Variants in CCDC14 observed in about 807,000 individuals in gnomAD.
CCDC14 encodes the protein coiled-coil domain containing 14.
A neutral mutation model predicts 81.4 loss-of-function variants in CCDC14; 71 were observed. The observed-to-expected ratio is 0.87, with a 90% CI of 0.72 to 1.06. The LOEUF (loss-of-function observed/expected upper bound fraction) is 1.06, where lower values mean the gene tolerates loss of function less well. Among genes scored for constraint, CCDC14 ranks in the 50% least tolerant of loss-of-function variants. CCDC14 has a pLI of 0.00. For synonymous variants in CCDC14, 332 were observed against 364.8 expected (o/e 0.91, Z 1.03); for missense variants, 1,046 against 1,047.3 (o/e 1.00, Z 0.02).
chr3:123,945,394 T>C (rs2036572938), intron 8 of CCDC14, among the ~76,000 whole-genome samples: 1 of 152,128 alleles, frequency 6.6e-6, no homozygotes, highest in African/African-American at 2.4e-5. Flanking sequence ...AATACAACCT[T>C]TGATCCTGGC....
chr3:123,904,380 C>T lies in CCDC14; in HGVS notation c.668-6767G>A, dbSNP rs192386460. On this transcript the variant is annotated intron_variant, in intron 5 of 5. Coordinates refer to the CCDC14 transcript ENST00000479903. Reference sequence around the variant, plus strand: ...ATGAAGATAGGTTACAGGTGTGTGGCTAGGGTGTGGGAAAGGGACTAGTAT... The same window carrying T: ...ATGAAGATAGGTTACAGGTGTGTGGTTAGGGTGTGGGAAAGGGACTAGTAT... 1.0e-3 allele frequency among the ~76,000 whole-genome samples: 154 copies of T among 151,824 alleles called. 3 individuals carry two copies. The highest frequency in any genetic ancestry group is 2.7e-3 in the East Asian group (14 of 5,160).
chr3:123,938,333 C>A (rs140630213), intron 9 of CCDC14, among the ~76,000 whole-genome samples: 1 of 151,844 alleles, frequency 6.6e-6, no homozygotes, highest in Non-Finnish European at 1.5e-5. Flanking sequence ...ATGGGTCTTA[C>A]ATATTTTTCA....
At chr3:123,911,901 G>A (rs879597135), downstream of CCDC14, among the ~76,000 whole-genome samples, 2 of 152,100 alleles carry the variant, frequency 1.3e-5, no homozygotes, top group Admixed American at 1.3e-4. Context: ...CAAGTAAAAT[G>A]CCACCATCAG....
chr3:123,933,077 C>T (rs2035836077), intron 10 of CCDC14, among the ~76,000 whole-genome samples: 1 of 150,724 alleles, frequency 6.6e-6, no homozygotes. Flanking sequence ...CCAGCCTGGG[C>T]CACAGAGTGA....
chr3:123,950,508 G>A (rs1241641685), intron 5 of CCDC14, among the ~76,000 whole-genome samples: 1 of 152,172 alleles, frequency 6.6e-6, no homozygotes, highest in East Asian at 1.9e-4. Flanking sequence ...TACACTTAAG[G>A]CTGACTGAAA....
intron 12 of CCDC14, among the ~76,000 whole-genome samples, chr3:123,928,445 G>A (rs570322490): frequency 4.4e-4 from 67 of 151,812 alleles, no homozygotes; most frequent in African/African-American, 1.5e-3. Flanking sequence ...GGCGGAGCTT[G>A]CAGTGAGCCA....
chr3:123,926,234 T>C (rs1333040748), intron 12 of CCDC14, among the ~76,000 whole-genome samples: 2 of 152,084 alleles, frequency 1.3e-5, no homozygotes, highest in Middle Eastern at 3.2e-3. Flanking sequence ...ATAAACAGAA[T>C]ATGACTCACC....
At chr3:123,902,212 T>C (rs1432941310) in intron 5 of CCDC14, among the ~76,000 whole-genome samples, 1 of 152,222 alleles carries the variant, frequency 6.6e-6, no homozygotes, top group Non-Finnish European at 1.5e-5. Flanking sequence ...TTATGTTGCC[T>C]TATTTATATG....
At chr3:123,893,844 T>C (rs967892584), downstream of CCDC14, among the ~76,000 whole-genome samples, 1 of 152,174 alleles carries the variant, frequency 6.6e-6, no homozygotes, top group Non-Finnish European at 1.5e-5. Context: ...TGTTTTTGAG[T>C]ATCTTCTTTG....
intron 5 of CCDC14, among the ~76,000 whole-genome samples, chr3:123,904,635 A>AAC (rs55713141): frequency 1.3e-5 from 2 of 148,594 alleles, no homozygotes; most frequent in Non-Finnish European, 3.0e-5. Flanking sequence ...AAAAAAAAAA[A>AAC]CCCTGGGATG....
chr3:123,916,025 G>C (rs753698618), intron 12 of CCDC14, among the ~76,000 whole-genome samples: 1 of 142,940 alleles, frequency 7.0e-6, no homozygotes, highest in African/African-American at 2.6e-5. Context: ...TTGAGATAGA[G>C]TCTCATTCTG....
In CCDC14 at chr3:123,931,332, TATC is replaced by T; in HGVS notation, c.1618_1620del (p.Asp540del). ...CCAATTTTTATTCTTGTTATCTCAA[TATC>T]ATATTGCTGTTTATTTTCAAGTATA... On this transcript the variant is annotated inframe_deletion, in exon 11 of 13. Coordinates refer to ENST00000409697, the MANE Select transcript of CCDC14 (RefSeq NM_001366335.1). 6.6e-7 allele frequency: 1 copy of T among 1,521,896 alleles called. No individual in the cohort carries two copies. Among genetic ancestry groups the T allele is most frequent in the Non-Finnish European group, 8.9e-7 (1 of 1,119,518 alleles). 94.3% of individuals were successfully genotyped at this position (1,521,896 alleles called of 1,614,324 possible).
intron 12 of CCDC14, among the ~76,000 whole-genome samples, chr3:123,926,041 C>A (rs2035342397): frequency 1.3e-5 from 2 of 152,068 alleles, no homozygotes; most frequent in South Asian, 4.1e-4. Flanking sequence ...GATCAGACTG[C>A]ATACCGAAAT....
In CCDC14 at chr3:123,914,697, C is replaced by G. The variant is rs2034555989; in HGVS notation, c.*82G>C. On this transcript the variant is annotated 3_prime_UTR_variant, in exon 13 of 13. Coordinates refer to ENST00000409697, the MANE Select transcript of CCDC14 (RefSeq NM_001366335.1). ...CTTCACACATAATAACATAAAACAT[C>G]ATTTCACTAAAGAAAAATACACATT... 1 of 1,445,144 alleles carries G rather than the reference C, an allele frequency of 6.9e-7. No individual in the cohort carries two copies. Among genetic ancestry groups the G allele is most frequent in the South Asian group, 1.5e-5 (1 of 64,930 alleles). The allele number at this position is 1,445,144 out of a possible 1,614,324, so 89.5% of individuals were successfully genotyped here.
chr3:123,920,547 T>G (rs1226009007), intron 12 of CCDC14, among the ~76,000 whole-genome samples: 1 of 152,138 alleles, frequency 6.6e-6, no homozygotes, highest in African/African-American at 2.4e-5. Context: ...TGGCTAACAG[T>G]GGACTTCTCA....
chr3:123,918,921 C>A (rs976702343), intron 12 of CCDC14, among the ~76,000 whole-genome samples: 1 of 152,200 alleles, frequency 6.6e-6, no homozygotes, highest in Non-Finnish European at 1.5e-5. Flanking sequence ...CGAGTCCCTA[C>A]CACTATCACA....
chr3:123,902,458 C>G (rs189439913), intron 5 of CCDC14, among the ~76,000 whole-genome samples: 4 of 152,298 alleles, frequency 2.6e-5, no homozygotes, highest in Admixed American at 2.0e-4. Flanking sequence ...TTCTTCTTGC[C>G]ATAAAAATCA....
chr3:123,886,754 T>G, the CCDC14 span, among the ~76,000 whole-genome samples: 1 of 152,224 alleles, frequency 6.6e-6, no homozygotes, highest in Non-Finnish European at 1.5e-5. Flanking sequence ...CTAGGAGTAT[T>G]CATTGTTACT....
At chr3:123,938,440 A>G (rs1171241245) in intron 9 of CCDC14, among the ~76,000 whole-genome samples, 2 of 151,934 alleles carry the variant, frequency 1.3e-5, no homozygotes, top group African/African-American at 4.8e-5. Flanking sequence ...TAAAAATACA[A>G]TTGATCTTGT....
Sources: gnomAD v4.1 joint callset for allele counts (sites outside exome capture counted in the v4.1 genomes callset) on GRCh38, gnomAD v4.1.1 for gene constraint, MANE v1.5 for transcripts, NCBI Gene and HGNC (gene_info 2026-07-23, HGNC 2026-07-21) for gene names.